The following DAPK2 variants were observed in gnomAD, a reference collection of about 807,000 sequenced individuals.
The protein encoded by DAPK2 is death associated protein kinase 2, also known as death-associated protein kinase 2.
Under a neutral mutation model 44.1 loss-of-function variants are expected in DAPK2, and 35 were observed. That is an observed-to-expected ratio of 0.79 (90% confidence interval 0.61 to 1.05). The LOEUF is 1.05. Among genes scored for constraint, DAPK2 ranks in the 50% least tolerant of loss-of-function variants. The pLI is 0.00. For synonymous variants in DAPK2, 174 were observed against 182.6 expected (o/e 0.95, Z 0.38); for missense variants, 453 against 483.2 (o/e 0.94, Z 0.59).
chr15:63,939,437 G>C lies in DAPK2; in HGVS notation c.454-76C>G, dbSNP rs1371216731. On this transcript the variant is annotated intron_variant, in intron 3 of 10. Coordinates refer to ENST00000261891, the Ensembl canonical transcript of DAPK2. This position sits in a 1 kb window ranked among gnomAD's most constrained non-coding sequence, Gnocchi z 4.3. ...AAAGACGGTAATTAAAGGCTGGTTG[G>C]TTCGTGTTTTGGCTTTGGGGTTTGG... 2 of 1,475,200 alleles carry C rather than the reference G, an allele frequency of 1.4e-6. No homozygotes were observed. Among genetic ancestry groups the C allele is most frequent in the Non-Finnish European group, 1.8e-6 (2 of 1,101,658 alleles). The allele number at this position is 1,475,200 out of a possible 1,614,324, so 91.4% of individuals were successfully genotyped here.
intron 1 of DAPK2, among the ~76,000 whole-genome samples, chr15:64,033,414 C>A (rs1457310693): frequency 6.6e-6 from 1 of 151,884 alleles, no homozygotes; most frequent in South Asian, 2.1e-4. Flanking sequence ...GCATGATCCA[C>A]GGCACCTGGC....
At chr15:63,928,801 G>A (rs751551223) in intron 6 of DAPK2, among the ~76,000 whole-genome samples, 2 of 152,152 alleles carry the variant, frequency 1.3e-5, no homozygotes, top group African/African-American at 4.8e-5. Flanking sequence ...AAGGAGAAAG[G>A]AGGAGAGAGA....
At chr15:63,986,242 T>C (rs2078665441) in intron 1 of DAPK2, among the ~76,000 whole-genome samples, 1 of 152,220 alleles carries the variant, frequency 6.6e-6, no homozygotes, top group African/African-American at 2.4e-5. Flanking sequence ...GCTCTGAACA[T>C]AGATTTGCTC....
chr15:64,017,449 G>C (rs1464593831), intron 1 of DAPK2, among the ~76,000 whole-genome samples: 1 of 152,218 alleles, frequency 6.6e-6, no homozygotes, highest in African/African-American at 2.4e-5. Context: ...AGGTGGCTCT[G>C]CTGGGCCTAG....
rs776512767 is a variant in DAPK2, at chr15:63,923,386, G to A, written c.858+1430C>T. 24 of 1,515,738 alleles carry A rather than the reference G, an allele frequency of 1.6e-5. No homozygotes were observed. The highest frequency in any genetic ancestry group is 4.9e-5 in the East Asian group (2 of 40,666). 93.9% of individuals were successfully genotyped at this position (1,515,738 alleles called of 1,614,324 possible). ...AGAAGAATCAGAGTGTTAATTTGCC[G>A]CCCACCCCAGAGGGCAGTCCAAAGG... On this transcript the variant is annotated intron_variant, in intron 8 of 10. Coordinates refer to ENST00000261891, the Ensembl canonical transcript of DAPK2. The surrounding 1 kb of genome is among the most constrained non-coding windows in gnomAD (Gnocchi z 4.2).
upstream of DAPK2, among the ~76,000 whole-genome samples, chr15:64,041,368 T>G (rs924059399): frequency 6.6e-6 from 1 of 152,186 alleles, no homozygotes; most frequent in South Asian, 2.1e-4. Context: ...CTGAAAGCCA[T>G]AGCCCAACTC....
intron 1 of DAPK2, among the ~76,000 whole-genome samples, chr15:64,026,243 T>A (rs548664506): frequency 1.1e-4 from 16 of 152,236 alleles, no homozygotes; most frequent in East Asian, 1.9e-4. Context: ...TCTTTTTTTT[T>A]AATTAATTAA....
intron 1 of DAPK2, among the ~76,000 whole-genome samples, chr15:64,030,918 G>A (rs1418908462): frequency 6.6e-6 from 1 of 151,800 alleles, no homozygotes; most frequent in Non-Finnish European, 1.5e-5. Context: ...AGTGAGCTGT[G>A]GTTGCGCCAT....
At chr15:63,999,908 G>A (rs2079039128) in intron 1 of DAPK2, among the ~76,000 whole-genome samples, 1 of 151,822 alleles carries the variant, frequency 6.6e-6, no homozygotes, top group African/African-American at 2.4e-5. Context: ...TAAAACCACA[G>A]TCATGCAACC....
intron 6 of DAPK2, among the ~76,000 whole-genome samples, chr15:63,929,280 C>T (rs2079436481): frequency 6.6e-6 from 1 of 152,078 alleles, no homozygotes; most frequent in Non-Finnish European, 1.5e-5. Flanking sequence ...GCAGGGGAGC[C>T]CTGGCATTCC....
At chr15:64,010,058 T>C (rs1197751938) in intron 1 of DAPK2, among the ~76,000 whole-genome samples, 1 of 152,200 alleles carries the variant, frequency 6.6e-6, no homozygotes, top group Non-Finnish European at 1.5e-5. Context: ...TAGCACCTGA[T>C]GGTATAAACC....
intron 1 of DAPK2, among the ~76,000 whole-genome samples, chr15:64,028,041 T>TCTATCTATCTAC (rs1367065807): frequency 3.2e-5 from 3 of 94,342 alleles, no homozygotes; most frequent in Non-Finnish European, 4.8e-5. Context: ...TATCTATCTA[T>TCTATCTATCTAC]CTATCTATCT....
intron 6 of DAPK2, among the ~76,000 whole-genome samples, chr15:63,928,024 A>G (rs1355992110): frequency 2.6e-5 from 4 of 152,202 alleles, no homozygotes; most frequent in African/African-American, 4.8e-5. Flanking sequence ...CTGGGATTAC[A>G]TGGGATCCCT....
rs868643988 is a variant in DAPK2 at position 63,923,163 on chromosome 15, G to A, written c.858+1653C>T. Reference sequence around the variant, plus strand: ...GTATCGTGGGCCTCCACCAGGGCACGGCATCCCAGGTCGACCCGAGCCACG... The same window carrying A: ...GTATCGTGGGCCTCCACCAGGGCACAGCATCCCAGGTCGACCCGAGCCACG... On this transcript the variant is annotated intron_variant, in intron 8 of 10. Coordinates refer to ENST00000261891, the Ensembl canonical transcript of DAPK2. The surrounding 1 kb of genome is among the most constrained non-coding windows in gnomAD (Gnocchi z 4.2). 9 of 1,535,822 alleles carry A rather than the reference G, an allele frequency of 5.9e-6. No individual in the cohort carries two copies. Among genetic ancestry groups the A allele is most frequent in the African/African-American group, 1.4e-5 (1 of 73,118 alleles).
chr15:64,018,265 G>A (rs1304734422), intron 1 of DAPK2, among the ~76,000 whole-genome samples: 1 of 152,128 alleles, frequency 6.6e-6, no homozygotes, highest in Non-Finnish European at 1.5e-5. Flanking sequence ...TCCAGTGGAG[G>A]TGGAAGAAAT....
Position 63,939,187 on chromosome 15 carries a change from T to C in DAPK2, c.583+45A>G. ...GGTTTCTTCCCAGGATCCCTACCTT[T>C]GATGCCAGATTCTTAGCTGAAAGAC... On this transcript the variant is annotated intron_variant, in intron 4 of 10. Transcript: ENST00000261891. The surrounding 1 kb of genome is among the most constrained non-coding windows in gnomAD (Gnocchi z 4.3). 6.2e-7 allele frequency: 1 copy of C among 1,608,952 alleles called. No homozygotes were observed. The highest frequency in any genetic ancestry group is 8.5e-7 in the Non-Finnish European group (1 of 1,176,992).
At chr15:63,909,189 T>C (rs1052566205) in intron 10 of DAPK2, 1 of 152,232 alleles carries the variant, frequency 6.6e-6, no homozygotes, top group Non-Finnish European at 1.5e-5. Context: ...GAGGCCATAA[T>C]GTCTTTTCAT....
intron 3 of DAPK2, among the ~76,000 whole-genome samples, chr15:63,943,863 G>A (rs1367628299): frequency 6.6e-6 from 1 of 152,038 alleles, no homozygotes; most frequent in Non-Finnish European, 1.5e-5. Flanking sequence ...GTGACAGAGA[G>A]GGACTCTGTC....
chr15:63,914,197 AGGAGTCAGTAGGATGTACAGCTC>A (rs1180767882), intron 8 of DAPK2, among the ~76,000 whole-genome samples: 23 of 149,616 alleles, frequency 1.5e-4, no homozygotes, highest in Non-Finnish European at 2.8e-4. Context: ...GGCTCTGCCC[AGGAGTCAGTAGGATGTACAGCTC>A]CGGGGCGGGG....
Sources: gnomAD v4.1 joint callset for allele counts (sites outside exome capture counted in the v4.1 genomes callset) on GRCh38, gnomAD v4.1.1 for gene constraint, Gnocchi (gnomAD v3.1) non-coding constraint, MANE v1.5 for transcripts, NCBI Gene and HGNC (gene_info 2026-07-23, HGNC 2026-07-21) for gene names.